DYRK1A: variants seen among roughly 807,000 people sequenced by gnomAD.
The protein encoded by DYRK1A is dual specificity tyrosine-phosphorylation-regulated kinase 1A.
Under a neutral mutation model 79.7 loss-of-function variants are expected in DYRK1A, and 9 were observed. The ratio of observed to expected loss-of-function variants is 0.11; its 90% CI spans 0.07 to 0.20. DYRK1A has a LOEUF of 0.20. Ranked by LOEUF, DYRK1A falls within the 10% of genes least tolerant of loss-of-function variation. The pLI is 1.00. For synonymous variants in DYRK1A, 349 were observed against 329.7 expected (o/e 1.06, Z -0.63); for missense variants, 622 against 956.0 (o/e 0.65, Z 4.61).
chr21:37,456,712 C>G (rs552278944), intron 2 of DYRK1A, among the ~76,000 whole-genome samples: 5 of 152,260 alleles, frequency 3.3e-5, no homozygotes, highest in African/African-American at 1.2e-4. Context: ...TCTGGCCTTC[C>G]CACCTCAGCC....
At chr21:37,503,975 A>G (rs2053524326) in intron 9 of DYRK1A, 1 of 152,012 alleles carries the variant, frequency 6.6e-6, no homozygotes, top group Admixed American at 6.6e-5. Context: ...TGTGTGACAA[A>G]TTTTCTTTGC....
intron 1 of DYRK1A, among the ~76,000 whole-genome samples, chr21:37,372,448 C>CAAAA (rs60876813): frequency 8.5e-6 from 1 of 117,238 alleles, no homozygotes; most frequent in Admixed American, 8.8e-5. Flanking sequence ...AGCACTGTCT[C>CAAAA]AAAAAAAAAA....
intron 2 of DYRK1A, among the ~76,000 whole-genome samples, chr21:37,448,714 G>T (rs982896591): frequency 6.6e-6 from 1 of 151,946 alleles, no homozygotes; most frequent in African/African-American, 2.4e-5. Context: ...TTTTGAGGCA[G>T]AGTCTTACTC....
intron 4 of DYRK1A, among the ~76,000 whole-genome samples, chr21:37,479,613 T>TTTTTGTTTTTG (rs780401661): frequency 5.5e-5 from 2 of 36,498 alleles, no homozygotes; most frequent in African/African-American, 2.7e-4. Flanking sequence ...TTTGTTTTTG[T>TTTTTGTTTTTG]TTTTTGTTTT....
At chr21:37,507,886 A>AC (rs1036723788) in intron 11 of DYRK1A, among the ~76,000 whole-genome samples, 3 of 151,554 alleles carry the variant, frequency 2.0e-5, no homozygotes, top group African/African-American at 7.3e-5. Flanking sequence ...TCACTTCTGA[A>AC]CCCCTGGGGC....
At position 37,526,023 on chromosome 21, in the gene DYRK1A, T is replaced by G. The variant is rs1309982375; in HGVS notation, c.*13492T>G. 1 of 152,240 alleles carries G rather than the reference T, an allele frequency of 6.6e-6. No homozygotes were observed. The highest frequency in any genetic ancestry group is 1.5e-5 in the Non-Finnish European group (1 of 68,050). 9.4% of individuals were successfully genotyped at this position (152,240 alleles called of 1,614,324 possible). On this transcript the variant is annotated 3_prime_UTR_variant, in exon 12 of 12. Coordinates refer to ENST00000647188, the MANE Select transcript of DYRK1A (RefSeq NM_001347721.2). ...GTGTTTATGTGAAACTCCTACTGTG[T>G]TAAGTGATTTCAAGAAGAACTATTG... is the stretch of plus-strand genomic sequence containing the variant.
At chr21:37,453,831 A>T (rs2148508381) in intron 2 of DYRK1A, among the ~76,000 whole-genome samples, 1 of 152,238 alleles carries the variant, frequency 6.6e-6, no homozygotes, top group African/African-American at 2.4e-5. Flanking sequence ...TTACGTACAA[A>T]ATAGGAAAAG....
chr21:37,492,700 C>G (rs1031041006), intron 7 of DYRK1A, among the ~76,000 whole-genome samples: 3 of 152,060 alleles, frequency 2.0e-5, no homozygotes, highest in East Asian at 3.9e-4. Context: ...TAGGGAAATA[C>G]ATTGCTTTCA....
At chr21:37,443,421 G>A (rs1232584417) in intron 2 of DYRK1A, among the ~76,000 whole-genome samples, 5 of 152,198 alleles carry the variant, frequency 3.3e-5, no homozygotes, top group East Asian at 1.9e-4. Context: ...GCTTTTGTGC[G>A]TACCTGGACA....
At chr21:37,494,202 C>T (rs1187139886) in intron 8 of DYRK1A, among the ~76,000 whole-genome samples, 1 of 151,636 alleles carries the variant, frequency 6.6e-6, no homozygotes, top group South Asian at 2.1e-4. Flanking sequence ...CCTTTTAATT[C>T]ATTTCAACTT....
chr21:37,518,706 C>T lies in DYRK1A; in HGVS notation c.*6175C>T, dbSNP rs113028042. 0.026 allele frequency: 3,799 copies of T among 144,764 alleles called. 85 individuals are homozygous for T. Among genetic ancestry groups the T allele is most frequent in the Non-Finnish European group, 0.041 (2,731 of 66,316 alleles). 9.0% of individuals were successfully genotyped at this position (144,764 alleles called of 1,614,324 possible). A position where few individuals can be genotyped will look rare whatever the true frequency, so the allele number is the denominator to read the frequency against. On this transcript the variant is annotated 3_prime_UTR_variant, in exon 12 of 12. Coordinates refer to ENST00000647188, the MANE Select transcript of DYRK1A (RefSeq NM_001347721.2). ...TCTCGGCTCACTGCAACCTCCATTT[C>T]CCAGATTCAAGCGATTCTCGTGCCT...
intron 1 of DYRK1A, among the ~76,000 whole-genome samples, chr21:37,403,014 C>G (rs2050080933): frequency 4.6e-5 from 7 of 152,194 alleles, no homozygotes; most frequent in Admixed American, 3.9e-4. Context: ...TCTGCCCCCC[C>G]TCAGCCTCCC....
intron 1 of DYRK1A, among the ~76,000 whole-genome samples, chr21:37,405,009 A>G (rs1569296242): frequency 6.6e-6 from 1 of 152,228 alleles, no homozygotes; most frequent in Non-Finnish European, 1.5e-5. Flanking sequence ...CGGCATGTAC[A>G]TTCTCAGAAA....
chr21:37,517,386 A>G lies in DYRK1A; in HGVS notation c.*4855A>G, dbSNP rs1402613822. On this transcript the variant is annotated 3_prime_UTR_variant, in exon 12 of 12. Coordinates refer to ENST00000647188, the MANE Select transcript of DYRK1A (RefSeq NM_001347721.2). ...AAGGCCGTGTAGGTATAAGTGCTTAATGTTTCATCTGTCTGAAAGACCAGC... is the reference window on the plus strand; with the variant it reads ...AAGGCCGTGTAGGTATAAGTGCTTAGTGTTTCATCTGTCTGAAAGACCAGC... 6.6e-6 allele frequency: 1 copy of G among 152,180 alleles called. No individual in the cohort carries two copies. Among genetic ancestry groups the G allele is most frequent in the Non-Finnish European group, 1.5e-5 (1 of 68,034 alleles). 9.4% of individuals were successfully genotyped at this position (152,180 alleles called of 1,614,324 possible). A position where few individuals can be genotyped will look rare whatever the true frequency, so the allele number is the denominator to read the frequency against.
Position 37,454,285 on chromosome 21 carries a change from ATCTC to A in DYRK1A, c.11-18395_11-18392del, listed in dbSNP as rs538140310. On this transcript the variant is annotated intron_variant, in intron 2 of 11. Coordinates refer to ENST00000647188, the MANE Select transcript of DYRK1A (RefSeq NM_001347721.2). Reference sequence around the variant, plus strand: ...TTTTTAACGTTTTTGTAGAGATGGGATCTCTCTGTGTTGCTCAGGTTGGTCTTTT... The same window carrying A: ...TTTTTAACGTTTTTGTAGAGATGGGATCTGTGTTGCTCAGGTTGGTCTTTT... 8.1e-4 allele frequency among the ~76,000 whole-genome samples: 122 copies of A among 151,466 alleles called. 4 individuals are homozygous for A. The South Asian group carries it at 0.025, about 31-fold the overall frequency.
intron 2 of DYRK1A, among the ~76,000 whole-genome samples, chr21:37,463,393 T>TAA (rs2051917994): frequency 6.6e-6 from 1 of 152,226 alleles, no homozygotes. Context: ...TAACACCTTC[T>TAA]GTGGAGCCAG....
chr21:37,402,312 CCTT>C (rs1159960355), intron 1 of DYRK1A, among the ~76,000 whole-genome samples: 4 of 152,200 alleles, frequency 2.6e-5, no homozygotes, highest in East Asian at 1.9e-4. Flanking sequence ...ACTTTTTTTC[CCTT>C]CTTACAAATT....
intron 1 of DYRK1A, among the ~76,000 whole-genome samples, chr21:37,417,539 T>TCTTTTTC (rs1256835886): frequency 5.5e-5 from 6 of 109,510 alleles, no homozygotes; most frequent in African/African-American, 9.9e-5. Flanking sequence ...CTTTTTTTTT[T>TCTTTTTC]TTTTTTTTTT....
In DYRK1A at chr21:37,515,794, G is replaced by A. The variant is rs2053874211; in HGVS notation, c.*3263G>A. The A allele has an allele frequency of 6.6e-6, 1 of 151,758 alleles. No homozygotes were observed. Among genetic ancestry groups the A allele is most frequent in the Non-Finnish European group, 1.5e-5 (1 of 67,974 alleles). 9.4% of individuals were successfully genotyped at this position (151,758 alleles called of 1,614,324 possible). ...AACTTCCATTAGTTTTCTTCTTAGG[G>A]TGTGAGAATTTTACCTAGGCACATG... On this transcript the variant is annotated 3_prime_UTR_variant, in exon 12 of 12. Coordinates refer to ENST00000647188, the MANE Select transcript of DYRK1A (RefSeq NM_001347721.2).
Sources: allele counts gnomAD v4.1 joint callset (sites outside exome capture counted in the v4.1 genomes callset), GRCh38; gene constraint gnomAD v4.1.1; transcripts MANE v1.5; gene names NCBI Gene and HGNC (gene_info 2026-07-23, HGNC 2026-07-21).